CDCP1: variants seen among roughly 807,000 people sequenced by gnomAD.
CDCP1 encodes the protein CUB domain containing protein 1.
In CDCP1, 29 loss-of-function variants were observed where a neutral mutation model predicts 60.2. That is an observed-to-expected ratio of 0.48 (90% CI 0.36 to 0.66). CDCP1 has a LOEUF of 0.66. Among genes scored for constraint, CDCP1 ranks in the 30% least tolerant of loss-of-function variants. The pLI is 0.00. For missense variants in CDCP1, 876 were observed against 1,074.3 expected (o/e 0.82, Z 2.58); for synonymous variants, 387 against 431.1 (o/e 0.90, Z 1.27).
chr3:45,110,254 C>A, intron 4 of CDCP1: 1 of 1,388,432 alleles, frequency 7.2e-7, no homozygotes, highest in East Asian at 2.6e-5. Flanking sequence ...TGCAAGATTT[C>A]TTTTTATTGT....
In CDCP1 at chr3:45,112,420, A is replaced by G. The variant is rs1186119068; in HGVS notation, c.318T>C (p.Phe106=). The G allele has an allele frequency of 6.2e-7, 1 of 1,613,932 alleles. No homozygotes were observed. Among genetic ancestry groups the G allele is most frequent in the Admixed American group, 1.7e-5 (1 of 60,030 alleles). ...TCGAGGGCTGAAGCTGAACCTCCCCAAAAGGACATGGGCCTGACATACAGT... is the reference window on the plus strand; with the variant it reads ...TCGAGGGCTGAAGCTGAACCTCCCCGAAAGGACATGGGCCTGACATACAGT... ...NIDCMSGPCP[F]GEVQLQPSTS... The change falls in exon 3 of 9, where the codon TTT becomes TTC. Residue 106 remains phenylalanine, a synonymous_variant. Coordinates refer to ENST00000296129, the MANE Select transcript of CDCP1 (RefSeq NM_022842.5).
chr3:45,145,836 G>T (rs912500412), intron 1 of CDCP1, among the ~76,000 whole-genome samples: 3 of 152,126 alleles, frequency 2.0e-5, no homozygotes, highest in African/African-American at 7.2e-5. Context: ...AGACCCTGGG[G>T]CGCACGGCGC....
intron 8 of CDCP1, among the ~76,000 whole-genome samples, chr3:45,088,784 T>A (rs1282150111): frequency 6.6e-6 from 1 of 152,166 alleles, no homozygotes; most frequent in Non-Finnish European, 1.5e-5. Flanking sequence ...CAAACAGCAC[T>A]CTGCTTGCAG....
intron 8 of CDCP1, among the ~76,000 whole-genome samples, chr3:45,088,078 A>G (rs1398727826): frequency 6.6e-6 from 1 of 152,214 alleles, no homozygotes; most frequent in Admixed American, 6.5e-5. Flanking sequence ...ATGTTAAGGA[A>G]AATAGCTCTC....
At position 45,093,127 on chromosome 3, in the gene CDCP1, C is replaced by T. The variant is rs1258331893; in HGVS notation, c.1627+150G>A. 8.5e-6 allele frequency: 7 copies of T among 827,642 alleles called. No individual in the cohort carries two copies. In the African/African-American group the frequency reaches 1.2e-4, roughly 14 times the overall value. 51.3% of individuals were successfully genotyped at this position (827,642 alleles called of 1,614,324 possible). ...GTTAATGGTAAAGTCAGGATTAGGA[C>T]TCACTATCTTTCAAATTTCTTGTGC... On this transcript the variant is annotated intron_variant, in intron 6 of 8. Transcript: ENST00000296129.
intron 4 of CDCP1, among the ~76,000 whole-genome samples, chr3:45,106,166 T>C (rs902158679): frequency 6.6e-6 from 1 of 152,222 alleles, no homozygotes; most frequent in African/African-American, 2.4e-5. Context: ...TATTTTTATC[T>C]TGTTTTTTGG....
intron 4 of CDCP1, among the ~76,000 whole-genome samples, chr3:45,108,122 C>T (rs1698602429): frequency 1.3e-5 from 2 of 149,288 alleles, no homozygotes; most frequent in South Asian, 4.2e-4. Context: ...AAGACTCTGC[C>T]TAAAAAAAAA....
At chr3:45,094,938 T>A (rs931256439) in intron 5 of CDCP1, among the ~76,000 whole-genome samples, 5 of 147,136 alleles carry the variant, frequency 3.4e-5, no homozygotes, top group Non-Finnish European at 7.5e-5. Flanking sequence ...GCACTGTGGG[T>A]GGGGTTTTTT....
chr3:45,089,278 G>T (rs1698251417), intron 7 of CDCP1, 137 bp from the exon 8 acceptor site: 1 of 666,528 alleles, frequency 1.5e-6, no homozygotes, highest in Admixed American at 2.5e-5. Flanking sequence ...TGTGCACATG[G>T]GGCTCCTCAT....
intron 1 of CDCP1, among the ~76,000 whole-genome samples, chr3:45,133,272 A>G (rs1289462816): frequency 2.0e-4 from 31 of 152,058 alleles, no homozygotes. Flanking sequence ...ATGTAGCCTG[A>G]CAACGTCTTG....
chr3:45,099,423 C>T (rs530710267), intron 4 of CDCP1, among the ~76,000 whole-genome samples: 2 of 152,196 alleles, frequency 1.3e-5, no homozygotes, highest in Admixed American at 6.5e-5. Flanking sequence ...TCTCTAGAAG[C>T]TTGTAGGGTC....
chr3:45,103,577 A>C (rs1698518771), intron 4 of CDCP1, among the ~76,000 whole-genome samples: 1 of 152,206 alleles, frequency 6.6e-6, no homozygotes, highest in Non-Finnish European at 1.5e-5. Context: ...GTCGGTCCCC[A>C]GTGGGGCAAT....
intron 4 of CDCP1, among the ~76,000 whole-genome samples, chr3:45,107,344 C>A (rs1396879785): frequency 2.6e-5 from 4 of 151,964 alleles, no homozygotes; most frequent in Non-Finnish European, 5.9e-5. Context: ...GTAGCTGGGA[C>A]TACAGGTGCC....
At chr3:45,134,036 G>A (rs1699150819) in intron 1 of CDCP1, among the ~76,000 whole-genome samples, 1 of 152,170 alleles carries the variant, frequency 6.6e-6, no homozygotes, top group South Asian at 2.1e-4. Flanking sequence ...ACAGATTGCA[G>A]CACCCACCCA....
At chr3:45,105,350 A>G (rs1289196602) in intron 4 of CDCP1, among the ~76,000 whole-genome samples, 3 of 152,214 alleles carry the variant, frequency 2.0e-5, no homozygotes, top group South Asian at 2.1e-4. Context: ...AAAAACAAAA[A>G]ACAAGAAGCA....
intron 1 of CDCP1, among the ~76,000 whole-genome samples, chr3:45,119,931 C>T (rs936581477): frequency 5.3e-5 from 8 of 152,220 alleles, no homozygotes; most frequent in African/African-American, 1.9e-4. Flanking sequence ...CAAATGGAAG[C>T]CTATAGTACT....
chr3:45,084,206 T>C lies in CDCP1; in HGVS notation c.*1432A>G, dbSNP rs1466357863. ...CTAGGTGAGAATGTGAGCCCCAGCATGGCCAGATCTTCTGATCTGGGTTTT... is the reference window on the plus strand; with the variant it reads ...CTAGGTGAGAATGTGAGCCCCAGCACGGCCAGATCTTCTGATCTGGGTTTT... On this transcript the variant is annotated 3_prime_UTR_variant, in exon 9 of 9. Transcript: ENST00000296129. The C allele has an allele frequency of 5.9e-5, 9 of 151,966 alleles. No individual in the cohort carries two copies. The highest frequency in any genetic ancestry group is 5.9e-4 in the Admixed American group (9 of 15,260). The allele number at this position is 151,966 out of a possible 1,614,324, so 9.4% of individuals were successfully genotyped here.
rs1559775824 is a variant in CDCP1 at position 45,093,365 on chromosome 3, G to A, written c.1539C>T (p.Ile513=). The change falls in exon 6 of 9, where the codon ATC becomes ATT. Residue 513 remains isoleucine, a synonymous_variant. Transcript: ENST00000296129. ...GGGCAAAGGTGCGAAGGGTCACCGA[G>A]ATGTTCTGCTTCACCTGGATCTGCT... ...SIKQIQVKQN[I]SVTLRTFAPS... is the part of the protein sequence containing the mutation. 1.9e-6 allele frequency: 3 copies of A among 1,614,258 alleles called. No individual in the cohort carries two copies. The highest frequency in any genetic ancestry group is 2.5e-6 in the Non-Finnish European group (3 of 1,180,054).
chr3:45,108,974 G>T, intron 4 of CDCP1, among the ~76,000 whole-genome samples: 1 of 82,714 alleles, frequency 1.2e-5, no homozygotes, highest in African/African-American at 4.8e-5. Flanking sequence ...TTTTGAGATG[G>T]AGTCTCACTC....
Sources: allele counts gnomAD v4.1 joint callset (sites outside exome capture counted in the v4.1 genomes callset), GRCh38; gene constraint gnomAD v4.1.1; transcripts MANE v1.5; gene names NCBI Gene and HGNC (gene_info 2026-07-23, HGNC 2026-07-21).